ELAVL2: variants seen among roughly 807,000 people sequenced by gnomAD.
ELAVL2 encodes the protein ELAV-like protein 2.
ELAVL2 carries 4 observed loss-of-function variants against 34.6 expected under a neutral mutation model. The ratio of observed to expected loss-of-function variants is 0.12; its 90% CI spans 0.06 to 0.26. ELAVL2 has a LOEUF of 0.26. ELAVL2 is among the 10% of genes least tolerant of loss of function. The probability of loss-of-function intolerance (pLI) is 1.00; values close to 1 mark genes in which losing one functional copy is unlikely to be tolerated. For missense variants in ELAVL2, 432 were observed against 442.8 expected, an observed-to-expected ratio of 0.98 and a Z score of 0.22; for synonymous variants, 193 against 154.8, an observed-to-expected ratio of 1.25 and a Z score of -1.83.
At chr9:23,732,160 T>A (rs2046732511) in intron 2 of ELAVL2, among the ~76,000 whole-genome samples, 1 of 152,230 alleles carries the variant, frequency 6.6e-6, no homozygotes, top group African/African-American at 2.4e-5. Flanking sequence ...ATGCTTTTAC[T>A]AAGTACTACT....
At chr9:23,693,977 C>G (rs2034197764) in intron 5 of ELAVL2, among the ~76,000 whole-genome samples, 1 of 152,176 alleles carries the variant, frequency 6.6e-6, no homozygotes, top group East Asian at 1.9e-4. Context: ...ATACATTTTC[C>G]TTTCATTTCC....
intron 2 of ELAVL2, among the ~76,000 whole-genome samples, chr9:23,759,754 T>TTATATATATATATA (rs774471922): frequency 0.014 from 1,158 of 81,062 alleles, 22 homozygotes; most frequent in Middle Eastern, 0.018. Flanking sequence ...ATATATAGTA[T>TTATATATATATATA]TATATATATA....
intron 1 of ELAVL2, among the ~76,000 whole-genome samples, chr9:23,772,534 C>CAA (rs11450267): frequency 0.081 from 5,419 of 67,314 alleles, 313 homozygotes; most frequent in Admixed American, 0.18. Context: ...CAGCTTACAC[C>CAA]AAAAAAAAAA....
intron 1 of ELAVL2, among the ~76,000 whole-genome samples, chr9:23,820,589 C>T (rs1298406772): frequency 6.6e-6 from 1 of 152,204 alleles, no homozygotes; most frequent in African/African-American, 2.4e-5. Context: ...CATGGTTTTA[C>T]GCTCTGGCCC....
At chr9:23,836,754 C>T in the ELAVL2 span, among the ~76,000 whole-genome samples, 1 of 151,884 alleles carries the variant, frequency 6.6e-6, no homozygotes, top group African/African-American at 2.4e-5. Flanking sequence ...GTATACCAGC[C>T]TGTCTATAAT....
At position 23,723,546 on chromosome 9, in the gene ELAVL2, C is replaced by G. The variant is rs1293562674; in HGVS notation, c.333+7476G>C. ...GACCTGCACATTGTGCACATGTACC[C>G]TAAAACTTAAAGCATAATAATAATT... is the stretch of plus-strand genomic sequence containing the variant. On this transcript the variant is annotated intron_variant, in intron 3 of 6. Coordinates refer to ENST00000397312, the MANE Select transcript of ELAVL2 (RefSeq NM_004432.5). 2.6e-5 allele frequency among the ~76,000 whole-genome samples: 4 copies of G among 151,538 alleles called. No individual in the cohort carries two copies. The East Asian group carries it at 7.7e-4, about 29-fold the overall frequency.
intron 1 of ELAVL2, among the ~76,000 whole-genome samples, chr9:23,813,213 A>C (rs2063244629): frequency 6.6e-6 from 1 of 152,194 alleles, no homozygotes; most frequent in Admixed American, 6.5e-5. Context: ...GCATTGGTCC[A>C]AACATGACAT....
At chr9:23,838,100 A>G in the ELAVL2 span, among the ~76,000 whole-genome samples, 1 of 152,208 alleles carries the variant, frequency 6.6e-6, no homozygotes, top group African/African-American at 2.4e-5. Context: ...AAATGTGAAG[A>G]TATTTATGAA....
intron 1 of ELAVL2, among the ~76,000 whole-genome samples, chr9:23,823,162 C>T (rs1363211625): frequency 6.6e-6 from 1 of 152,192 alleles, no homozygotes; most frequent in Non-Finnish European, 1.5e-5. Context: ...ATTAAATGAC[C>T]TTAATTGACT....
At chr9:23,794,780 T>A (rs117360534) in intron 1 of ELAVL2, among the ~76,000 whole-genome samples, 3,952 of 152,224 alleles carry the variant, frequency 0.026, 100 homozygotes, top group Non-Finnish European at 0.041. Context: ...CTCCCTACAA[T>A]CTGGGAAGAT....
intron 3 of ELAVL2, among the ~76,000 whole-genome samples, chr9:23,719,643 T>C (rs939532777): frequency 6.6e-6 from 1 of 152,088 alleles, no homozygotes; most frequent in African/African-American, 2.4e-5. Flanking sequence ...TAGCAAAAAA[T>C]TTTTTCCTTT....
chr9:23,692,690 C>T lies in ELAVL2; in HGVS notation c.947G>A (p.Cys316Tyr), dbSNP rs769220559. 1 of 1,614,188 alleles carries T rather than the reference C, an allele frequency of 6.2e-7. No individual in the cohort carries two copies. Among genetic ancestry groups the T allele is most frequent in the Non-Finnish European group, 8.5e-7 (1 of 1,180,006 alleles). Residue 316 changes from cysteine to tyrosine, a missense_variant, in exon 7 of 7, where the codon TGC becomes TAC. Cys to Tyr is a radical substitution (Grantham distance 194). This residue lies in a region of ELAVL2 where 295 missense variants were observed against 306.1 expected (regional missense o/e 0.96). Transcript: ENST00000397312. ...KVIRDFNTNK[C>Y]KGFGFVTMTN... The stretch of plus-strand genomic sequence containing the variant: ...CATAGTCACAAATCCAAAACCTTTG[C>T]ATTTATTGGTGTTAAAGTCACGGAT...
chr9:23,720,836 A>AT (rs2043503610), intron 3 of ELAVL2, among the ~76,000 whole-genome samples: 1 of 152,208 alleles, frequency 6.6e-6, no homozygotes, highest in African/African-American at 2.4e-5. Flanking sequence ...CTGCTTAAGA[A>AT]TCACCTGTGG....
intron 1 of ELAVL2, among the ~76,000 whole-genome samples, chr9:23,787,559 A>G (rs1310426194): frequency 6.7e-6 from 1 of 149,582 alleles, no homozygotes; most frequent in Admixed American, 6.9e-5. Flanking sequence ...ATGAGGAAAT[A>G]GGCTTAAAAA....
intron 1 of ELAVL2, among the ~76,000 whole-genome samples, chr9:23,807,786 A>G (rs1370134933): frequency 1.3e-5 from 2 of 152,192 alleles, no homozygotes; most frequent in Admixed American, 6.6e-5. Flanking sequence ...TTCTTACTGC[A>G]TCAATTAATA....
At chr9:23,755,663 T>C (rs1271718101) in intron 2 of ELAVL2, among the ~76,000 whole-genome samples, 1 of 152,198 alleles carries the variant, frequency 6.6e-6, no homozygotes. Context: ...TCAAATGTAC[T>C]GTATTCCACA....
chr9:23,735,120 A>AAAAAAAAAAAAAAAAAAAAAAAAAAAAAC (rs2047543657), intron 2 of ELAVL2: 1 of 147,468 alleles, frequency 6.8e-6, no homozygotes, highest in Non-Finnish European at 1.5e-5. Context: ...AAAAAAAAAA[A>AAAAAAAAAAAAAAAAAAAAAAAAAAAAAC]AAAAAAAGCC....
At chr9:23,722,779 A>G (rs1328217391) in intron 3 of ELAVL2, among the ~76,000 whole-genome samples, 1 of 152,256 alleles carries the variant, frequency 6.6e-6, no homozygotes, top group East Asian at 1.9e-4. Context: ...GTATTTGCCT[A>G]CCAGAGACTA....
rs57292061 is a variant in ELAVL2 at position 23,786,781 on chromosome 9, CAAAAA to C, written c.-15-24537_-15-24533del. On this transcript the variant is annotated intron_variant, in intron 1 of 6. Coordinates refer to ENST00000397312, the MANE Select transcript of ELAVL2 (RefSeq NM_004432.5). ...TAGTCTCAGTAACAGATTTTAGTGGCAAAAAAAAAAAAAAAAAAAAAAGAGAGAGA... is the reference window on the plus strand; with the variant it reads ...TAGTCTCAGTAACAGATTTTAGTGGCAAAAAAAAAAAAAAAAAGAGAGAGA... 8.8e-4 allele frequency among the ~76,000 whole-genome samples: 95 copies of C among 108,118 alleles called. 1 individual carries two copies. Among genetic ancestry groups the C allele is most frequent in the South Asian group, 2.1e-3 (7 of 3,260 alleles). The allele number at this position is 108,118 out of a possible 152,430, so 70.9% of individuals were successfully genotyped here.
Sources: gnomAD v4.1 joint callset for allele counts (sites outside exome capture counted in the v4.1 genomes callset) on GRCh38, gnomAD v4.1.1 for gene constraint, gnomAD v4.1.1 regional missense constraint, MANE v1.5 for transcripts, NCBI Gene and HGNC (gene_info 2026-07-23, HGNC 2026-07-21) for gene names.